SUCLG2: variants seen among roughly 807,000 people sequenced by gnomAD.
SUCLG2 encodes succinate-CoA ligase GDP-forming subunit beta.
In SUCLG2, 42 loss-of-function variants were observed where a neutral mutation model predicts 47.9. The ratio of observed to expected loss-of-function variants is 0.88; its 90% confidence interval spans 0.69 to 1.14. The LOEUF (loss-of-function observed/expected upper bound fraction) is 1.14. Among genes scored for constraint, SUCLG2 ranks in the 50% most tolerant of loss-of-function variants. The pLI is 0.00. For missense variants in SUCLG2, 571 were observed against 525.9 expected (o/e 1.09, Z -0.84); for synonymous variants, 195 against 197.3 (o/e 0.99, Z 0.10).
At chr3:67,593,894 C>T (rs1030872100) in intron 2 of SUCLG2, among the ~76,000 whole-genome samples, 11 of 152,242 alleles carry the variant, frequency 7.2e-5, no homozygotes, top group African/African-American at 2.7e-4. Flanking sequence ...CTATGCAGTT[C>T]TTCCCACTAG....
chr3:67,477,993 G>A (rs1257794143), intron 9 of SUCLG2, among the ~76,000 whole-genome samples: 2 of 152,132 alleles, frequency 1.3e-5, no homozygotes, highest in African/African-American at 4.8e-5. Context: ...ACAAACCTAC[G>A]ATAGGTACTA....
At chr3:67,643,304 TCTTA>T (rs1701135022) in intron 1 of SUCLG2, among the ~76,000 whole-genome samples, 1 of 152,178 alleles carries the variant, frequency 6.6e-6, no homozygotes, top group African/African-American at 2.4e-5. Context: ...TAAATCATTA[TCTTA>T]CTTGTTTTTA....
At chr3:67,549,255 C>T (rs1706947974) in intron 2 of SUCLG2, among the ~76,000 whole-genome samples, 1 of 152,284 alleles carries the variant, frequency 6.6e-6, no homozygotes, top group East Asian at 1.9e-4. Context: ...AAGACTGATA[C>T]TTAAGCAATG....
At chr3:67,371,739 T>C (rs968691531), downstream of SUCLG2, among the ~76,000 whole-genome samples, 2 of 152,192 alleles carry the variant, frequency 1.3e-5, no homozygotes, top group Non-Finnish European at 2.9e-5. Context: ...CAAATGATCA[T>C]AAGTGGCATA....
intron 2 of SUCLG2, among the ~76,000 whole-genome samples, chr3:67,609,197 C>A (rs998704911): frequency 6.6e-6 from 1 of 152,246 alleles, no homozygotes; most frequent in African/African-American, 2.4e-5. Flanking sequence ...CCCAGGTCAG[C>A]AGGACTGAAG....
chr3:67,612,904 A>G (rs1700556900), intron 1 of SUCLG2, among the ~76,000 whole-genome samples: 1 of 152,224 alleles, frequency 6.6e-6, no homozygotes, highest in Admixed American at 6.5e-5. Flanking sequence ...TGGCTAACAG[A>G]GCTCACAAAA....
intron 10 of SUCLG2, among the ~76,000 whole-genome samples, chr3:67,377,746 G>A (rs148272865): frequency 8.6e-5 from 13 of 152,036 alleles, no homozygotes; most frequent in East Asian, 3.9e-4. Context: ...CTCAGCCTCC[G>A]GTGCCCAAGT....
intron 2 of SUCLG2, among the ~76,000 whole-genome samples, chr3:67,543,571 GGGAGGATCCCTTGAGCCCA>G (rs1202082951): frequency 6.6e-6 from 1 of 152,086 alleles, no homozygotes; most frequent in African/African-American, 2.4e-5. Flanking sequence ...AGGCTGAGGT[GGGAGGATCCCTTGAGCCCA>G]GGAGGTTGCG....
intron 2 of SUCLG2, among the ~76,000 whole-genome samples, chr3:67,552,107 G>A (rs189337541): frequency 3.5e-5 from 5 of 141,920 alleles, no homozygotes; most frequent in Admixed American, 7.6e-5. Context: ...TGGGGAAACT[G>A]ACTGTCAATT....
At chr3:67,435,597 C>T (rs6768043) in intron 9 of SUCLG2, among the ~76,000 whole-genome samples, 69,821 of 151,960 alleles carry the variant, frequency 0.46, 16,732 homozygotes, top group Non-Finnish European at 0.54. Context: ...AAAAAGAATA[C>T]ACATTATCTA....
chr3:67,527,885 C>T (rs545258987), intron 4 of SUCLG2, among the ~76,000 whole-genome samples: 3 of 152,272 alleles, frequency 2.0e-5, no homozygotes, highest in East Asian at 1.9e-4. Context: ...AGCCATTGCT[C>T]GGTCACTCAC....
intron 9 of SUCLG2, among the ~76,000 whole-genome samples, chr3:67,409,497 A>G (rs1422932940): frequency 6.6e-6 from 1 of 152,170 alleles, no homozygotes; most frequent in African/African-American, 2.4e-5. Context: ...AGTTAGTTCC[A>G]TGGCAGAGAT....
chr3:67,389,522 G>A (rs1702333475), intron 10 of SUCLG2, among the ~76,000 whole-genome samples: 1 of 152,206 alleles, frequency 6.6e-6, no homozygotes, highest in Non-Finnish European at 1.5e-5. Context: ...GTGGTTCTCA[G>A]TACTTCCAGT....
intron 2 of SUCLG2, among the ~76,000 whole-genome samples, chr3:67,577,688 T>C (rs1023056349): frequency 6.6e-6 from 1 of 152,288 alleles, no homozygotes; most frequent in Admixed American, 6.5e-5. Context: ...CCTGGATCCT[T>C]TTCCTCAAAT....
chr3:67,609,658 C>T, intron 1 of SUCLG2, 62 bp from the exon 2 acceptor site: 2 of 1,539,890 alleles, frequency 1.3e-6, no homozygotes, highest in South Asian at 2.4e-5. Context: ...TAAAAGTCAA[C>T]CTACATGGCC....
downstream of SUCLG2, among the ~76,000 whole-genome samples, chr3:67,371,742 G>A (rs542123917): frequency 5.3e-5 from 8 of 152,244 alleles, no homozygotes; most frequent in Non-Finnish European, 1.2e-4. Context: ...ATGATCATAA[G>A]TGGCATAACC....
At chr3:67,362,316 C>A (rs1056925816) in intron 10 of SUCLG2, among the ~76,000 whole-genome samples, 1 of 152,168 alleles carries the variant, frequency 6.6e-6, no homozygotes, top group Non-Finnish European at 1.5e-5. Context: ...CCCCTGGCCC[C>A]TTACGTTGGC....
rs147774555 is a variant in SUCLG2 at position 67,648,734 on chromosome 3, T to C, written c.84+5769A>G. Among the ~76,000 whole-genome samples, 434 of 152,304 alleles carry C rather than the reference T, an allele frequency of 2.8e-3. 2 individuals carry two copies. Among genetic ancestry groups the C allele is most frequent in the African/African-American group, 9.5e-3 (395 of 41,550 alleles). On this transcript the variant is annotated intron_variant, in intron 1 of 10. Coordinates refer to ENST00000307227, the MANE Select transcript of SUCLG2 (RefSeq NM_003848.4). ...ATGATTATGAGGACCCTTTCACAACTAGGATTTCTATAGCCCCTTCCTTCT... is the reference window on the plus strand; with the variant it reads ...ATGATTATGAGGACCCTTTCACAACCAGGATTTCTATAGCCCCTTCCTTCT...
At chr3:67,623,342 T>C (rs1345004613) in intron 1 of SUCLG2, among the ~76,000 whole-genome samples, 2 of 151,476 alleles carry the variant, frequency 1.3e-5, no homozygotes, top group Non-Finnish European at 2.9e-5. Flanking sequence ...CTACTAAAAA[T>C]ACAAAAAAAT....
Sources: gnomAD v4.1 joint callset for allele counts (sites outside exome capture counted in the v4.1 genomes callset) on GRCh38, gnomAD v4.1.1 for gene constraint, MANE v1.5 for transcripts, NCBI Gene and HGNC (gene_info 2026-07-23, HGNC 2026-07-21) for gene names.